Variants in LCLAT1 observed in about 807,000 individuals in gnomAD.
LCLAT1 encodes lysocardiolipin acyltransferase 1, also known as 1-AGP acyltransferase 8.
A neutral mutation model predicts 30.7 loss-of-function variants in LCLAT1; 11 were observed. The ratio of observed to expected loss-of-function variants is 0.36; its 90% CI spans 0.23 to 0.59. The LOEUF is 0.59. LCLAT1 is among the 20% of genes least tolerant of loss of function. The pLI is 0.77. For missense variants in LCLAT1, 402 were observed against 458.6 expected (o/e 0.88, Z 1.13); for synonymous variants, 155 against 151.3 (o/e 1.02, Z -0.18).
intron 5 of LCLAT1, among the ~76,000 whole-genome samples, chr2:30,638,631 C>T (rs901116062): frequency 2.0e-5 from 3 of 152,218 alleles, no homozygotes; most frequent in African/African-American, 7.2e-5. Flanking sequence ...AACTTCTCGG[C>T]CTCTTATAAA....
chr2:30,518,064 T>C (rs1422281210), intron 1 of LCLAT1, among the ~76,000 whole-genome samples: 2 of 152,206 alleles, frequency 1.3e-5, no homozygotes, highest in South Asian at 2.1e-4. Flanking sequence ...AGAATAACTT[T>C]AGAGGAAACC....
intron 2 of LCLAT1, among the ~76,000 whole-genome samples, chr2:30,532,272 T>G (rs1246291471): frequency 6.6e-6 from 1 of 152,218 alleles, no homozygotes; most frequent in Non-Finnish European, 1.5e-5. Flanking sequence ...GGCTATACCT[T>G]GTTCAAGATT....
At position 30,468,953 on chromosome 2, in the gene LCLAT1, G is replaced by A. The variant is rs78346299; in HGVS notation, c.-5+21570G>A. On this transcript the variant is annotated intron_variant, in intron 1 of 5. Transcript: ENST00000379509. ...TTTAAAATTGTGCCCATGCTAGTGGGTATATAGTGATATCTCATTGTGGTT... is the reference window on the plus strand; with the variant it reads ...TTTAAAATTGTGCCCATGCTAGTGGATATATAGTGATATCTCATTGTGGTT... Among the ~76,000 whole-genome samples, 535 of 152,256 alleles carry A rather than the reference G, an allele frequency of 3.5e-3. 1 individual carries two copies. Among genetic ancestry groups the A allele is most frequent in the African/African-American group, 0.011 (463 of 41,542 alleles).
At chr2:30,547,965 CCAT>C (rs754098240) in intron 3 of LCLAT1, among the ~76,000 whole-genome samples, 39 of 152,078 alleles carry the variant, frequency 2.6e-4, no homozygotes, top group Admixed American at 5.2e-4. Flanking sequence ...TTTATGAAAA[CCAT>C]CAAATAAAGT....
intron 4 of LCLAT1, among the ~76,000 whole-genome samples, chr2:30,562,748 A>G (rs1665295014): frequency 6.6e-6 from 1 of 152,186 alleles, no homozygotes. Context: ...ATCATGTTTT[A>G]GGTTAATGTT....
rs867099036 is a variant in LCLAT1 at position 30,604,510 on chromosome 2, A to G, written c.629-35607A>G. 4.3e-4 allele frequency among the ~76,000 whole-genome samples: 65 copies of G among 152,162 alleles called. 1 individual carries two copies. The highest frequency in any genetic ancestry group is 1.3e-3 in the African/African-American group (55 of 41,438). ...TTCCAATAAAACTTTATTTATGGAC[A>G]TTGAAATTTAAATTTCATAGGACTT... On this transcript the variant is annotated intron_variant, in intron 5 of 5. Transcript: ENST00000379509.
chr2:30,628,221 C>G (rs916608148), intron 5 of LCLAT1, among the ~76,000 whole-genome samples: 1 of 152,020 alleles, frequency 6.6e-6, no homozygotes, highest in Non-Finnish European at 1.5e-5. Flanking sequence ...TAAAAAACAT[C>G]ACAGAAGCTA....
At chr2:30,475,967 GTCT>G (rs1445543950) in intron 1 of LCLAT1, among the ~76,000 whole-genome samples, 3 of 152,144 alleles carry the variant, frequency 2.0e-5, no homozygotes, top group East Asian at 1.9e-4. Context: ...GACTTCTAAA[GTCT>G]TCTTCAGCTT....
intron 3 of LCLAT1, among the ~76,000 whole-genome samples, chr2:30,537,752 A>T (rs1663862358): frequency 6.6e-6 from 1 of 152,218 alleles, no homozygotes; most frequent in South Asian, 2.1e-4. Flanking sequence ...AGATATTTAA[A>T]TAATATTTAA....
intron 5 of LCLAT1, among the ~76,000 whole-genome samples, chr2:30,591,567 T>C (rs908025038): frequency 3.3e-5 from 5 of 152,208 alleles, no homozygotes; most frequent in African/African-American, 1.2e-4. Context: ...TAGAAACAAC[T>C]GTTCTATACA....
At chr2:30,577,035 C>G (rs1428229682) in intron 5 of LCLAT1, among the ~76,000 whole-genome samples, 1 of 150,992 alleles carries the variant, frequency 6.6e-6, no homozygotes, top group East Asian at 1.9e-4. Flanking sequence ...GCATAGCTCT[C>G]TAAATGAAAG....
intron 3 of LCLAT1, among the ~76,000 whole-genome samples, chr2:30,539,182 C>T (rs902217136): frequency 6.6e-6 from 1 of 151,130 alleles, no homozygotes; most frequent in African/African-American, 2.4e-5. Flanking sequence ...ATCTCTTGAC[C>T]TCGTGATCCG....
intron 1 of LCLAT1, among the ~76,000 whole-genome samples, chr2:30,455,362 A>G (rs829580): frequency 0.97 from 147,615 of 152,296 alleles, 71,619 homozygotes; most frequent in East Asian, 1. Context: ...AGACATCGTG[A>G]CTTAAAATGA....
intron 2 of LCLAT1, among the ~76,000 whole-genome samples, chr2:30,529,615 T>C (rs1377890364): frequency 1.3e-5 from 2 of 152,288 alleles, no homozygotes; most frequent in East Asian, 1.9e-4. Context: ...TTCTGTCCTT[T>C]CACCATAAAT....
At chr2:30,469,492 T>C (rs1459853614) in intron 1 of LCLAT1, among the ~76,000 whole-genome samples, 1 of 152,104 alleles carries the variant, frequency 6.6e-6, no homozygotes, top group Non-Finnish European at 1.5e-5. Flanking sequence ...TGAATGGTCT[T>C]TGCACCCTCG....
At chr2:30,635,726 T>C (rs1046032266) in intron 5 of LCLAT1, among the ~76,000 whole-genome samples, 2 of 152,226 alleles carry the variant, frequency 1.3e-5, no homozygotes, top group African/African-American at 2.4e-5. Context: ...GAAATTGTAG[T>C]AGATGCTAAC....
chr2:30,626,964 AG>A (rs1668542903), intron 5 of LCLAT1, among the ~76,000 whole-genome samples: 1 of 152,158 alleles, frequency 6.6e-6, no homozygotes, highest in Admixed American at 6.5e-5. Flanking sequence ...ATAAAGTCTC[AG>A]TTTTTACAAA....
intron 1 of LCLAT1, among the ~76,000 whole-genome samples, chr2:30,515,419 T>C (rs947600973): frequency 1.3e-5 from 2 of 152,246 alleles, no homozygotes; most frequent in Admixed American, 6.5e-5. Context: ...AAATGTTTCC[T>C]TCCTGAGCAA....
Position 30,640,330 on chromosome 2 carries a change from A to G in LCLAT1, c.842A>G (p.Tyr281Cys). The G allele has an allele frequency of 1.2e-6, 2 of 1,614,202 alleles. No individual in the cohort carries two copies. Among genetic ancestry groups the G allele is most frequent in the Non-Finnish European group, 1.7e-6 (2 of 1,180,026 alleles). The change falls in exon 6 of 6, where the codon TAT (tyrosine) becomes TGT (cysteine). Residue 281 changes from tyrosine to cysteine, a missense_variant. Tyr to Cys is a radical substitution (Grantham distance 194). Transcript: ENST00000379509. Reference sequence around the variant, plus strand: ...AAAGAAGAGAGGCTGCGTTCCTTCTATCAAGGGGAGAAGAATTTTTATTTT... The same window carrying G: ...AAAGAAGAGAGGCTGCGTTCCTTCTGTCAAGGGGAGAAGAATTTTTATTTT... Reference protein sequence around the residue: ...EEKEERLRSFYQGEKNFYFTG... With the variant: ...EEKEERLRSFCQGEKNFYFTG...
Sources: allele counts gnomAD v4.1 joint callset (sites outside exome capture counted in the v4.1 genomes callset), GRCh38; gene constraint gnomAD v4.1.1; transcripts MANE v1.5; gene names NCBI Gene and HGNC (gene_info 2026-07-23, HGNC 2026-07-21).